Variants in SH3RF3 observed in about 807,000 individuals in gnomAD.
The protein encoded by SH3RF3 is E3 ubiquitin-protein ligase SH3RF3.
SH3RF3 carries 29 observed loss-of-function variants against 66.3 expected under a neutral mutation model. The observed-to-expected ratio is 0.44, with a 90% CI of 0.33 to 0.60. SH3RF3 has a LOEUF of 0.60. SH3RF3 is among the 20% of genes least tolerant of loss of function. SH3RF3 has a pLI of 0.04. For synonymous variants in SH3RF3, 583 were observed against 532.0 expected, an observed-to-expected ratio of 1.10 and a Z score of -1.32; for missense variants, 1,194 against 1,190.9, an observed-to-expected ratio of 1.00 and a Z score of -0.04.
rs1679440770 is a variant in SH3RF3, at chr2:109,503,173, A to G, written c.*1502A>G. On this transcript the variant is annotated 3_prime_UTR_variant, in exon 10 of 10. Coordinates refer to ENST00000309415, the MANE Select transcript of SH3RF3 (RefSeq NM_001099289.3). ...ATTCACACCTTAGGAACACATTTTT[A>G]TCACCTCAAAATTTTGATCCATCAC... The G allele has an allele frequency of 6.6e-6, 1 of 152,218 alleles. No homozygotes were observed. Among genetic ancestry groups the G allele is most frequent in the South Asian group, 2.1e-4 (1 of 4,830 alleles). 9.4% of individuals were successfully genotyped at this position (152,218 alleles called of 1,614,324 possible).
chr2:109,155,122 G>A (rs1677310120), intron 1 of SH3RF3, among the ~76,000 whole-genome samples: 1 of 152,202 alleles, frequency 6.6e-6, no homozygotes, highest in Admixed American at 6.5e-5. Context: ...AAGGCATTTT[G>A]CAAACTACAA....
intron 3 of SH3RF3, among the ~76,000 whole-genome samples, chr2:109,387,652 C>T (rs897168576): frequency 5.9e-5 from 9 of 152,248 alleles, no homozygotes; most frequent in Middle Eastern, 3.2e-3. Context: ...AGCCCCTCAG[C>T]ATATCCTCCT....
At chr2:109,169,718 A>G (rs757539695) in intron 1 of SH3RF3, among the ~76,000 whole-genome samples, 25 of 150,904 alleles carry the variant, frequency 1.7e-4, no homozygotes, top group Non-Finnish European at 3.4e-4. Context: ...ATATATCTAT[A>G]TATATAACCA....
intron 7 of SH3RF3, among the ~76,000 whole-genome samples, chr2:109,447,180 G>GA (rs1180598644): frequency 7.5e-6 from 1 of 133,598 alleles, no homozygotes; most frequent in Non-Finnish European, 1.6e-5. Context: ...AAAAGAAAAA[G>GA]AAAAAGAAAA....
intron 1 of SH3RF3, among the ~76,000 whole-genome samples, chr2:109,139,810 A>G (rs184650210): frequency 3.0e-4 from 45 of 152,294 alleles, no homozygotes; most frequent in Middle Eastern, 3.4e-3. Context: ...GAGCTTTTCA[A>G]TCACCTCTTT....
chr2:109,250,161 G>T (rs1196929099), intron 1 of SH3RF3, among the ~76,000 whole-genome samples: 1 of 150,120 alleles, frequency 6.7e-6, no homozygotes, highest in African/African-American at 2.5e-5. Flanking sequence ...TGTCTTTAAG[G>T]TTTTTCTCCA....
intron 7 of SH3RF3, among the ~76,000 whole-genome samples, chr2:109,444,811 T>A (rs1677662676): frequency 6.6e-6 from 1 of 151,896 alleles, no homozygotes; most frequent in South Asian, 2.1e-4. Flanking sequence ...AAAGGGAAAC[T>A]CACACATAAG....
chr2:109,417,490 C>A (rs1448576356), intron 4 of SH3RF3, among the ~76,000 whole-genome samples: 3 of 152,214 alleles, frequency 2.0e-5, no homozygotes, highest in East Asian at 3.9e-4. Flanking sequence ...CGGTGCTCAG[C>A]CTTTCCTGCT....
chr2:109,386,426 A>C (rs1372367326), intron 3 of SH3RF3, among the ~76,000 whole-genome samples: 1 of 152,172 alleles, frequency 6.6e-6, no homozygotes, highest in African/African-American at 2.4e-5. Context: ...TAAAAAAAAA[A>C]AAAAAAACAC....
chr2:109,453,984 C>T (rs1677963172), intron 8 of SH3RF3, among the ~76,000 whole-genome samples: 1 of 152,204 alleles, frequency 6.6e-6, no homozygotes, highest in Admixed American at 6.5e-5. Context: ...CTCAGCACTG[C>T]AAAATCTGCA....
At chr2:109,266,183 ATG>A (rs956523022) in intron 1 of SH3RF3, among the ~76,000 whole-genome samples, 3 of 145,892 alleles carry the variant, frequency 2.1e-5, no homozygotes, top group Non-Finnish European at 3.0e-5. Context: ...TTGTGCGTGC[ATG>A]TGTGTGTTGT....
chr2:109,220,259 G>T (rs560921788), intron 1 of SH3RF3, among the ~76,000 whole-genome samples: 1 of 152,252 alleles, frequency 6.6e-6, no homozygotes, highest in Admixed American at 6.5e-5. Context: ...ATCTAACATG[G>T]TCTAGAAAAT....
chr2:109,159,995 G>A (rs975988548), intron 1 of SH3RF3, among the ~76,000 whole-genome samples: 2 of 152,154 alleles, frequency 1.3e-5, no homozygotes, highest in African/African-American at 2.4e-5. Context: ...AATGTGATGC[G>A]CTTGAATCAT....
Position 109,196,382 on chromosome 2 carries a change from T to C in SH3RF3, c.573+66269T>C, listed in dbSNP as rs145372589. ...CTGGCTCGGTCCTACCACTGGTCCTTCTATCATTTAATCCCGTGGCGGGCA... is the reference window on the plus strand; with the variant it reads ...CTGGCTCGGTCCTACCACTGGTCCTCCTATCATTTAATCCCGTGGCGGGCA... On this transcript the variant is annotated intron_variant, in intron 1 of 9. Transcript: ENST00000309415. Among the ~76,000 whole-genome samples the C allele has an allele frequency of 3.6e-3, 548 of 152,294 alleles. 2 individuals are homozygous for C. The highest frequency in any genetic ancestry group is 5.6e-3 in the Non-Finnish European group (380 of 68,010).
In SH3RF3 at chr2:109,298,434, G is replaced by A. The variant is rs560587757; in HGVS notation, c.574-49240G>A. On this transcript the variant is annotated intron_variant, in intron 1 of 9. Coordinates refer to ENST00000309415, the MANE Select transcript of SH3RF3 (RefSeq NM_001099289.3). ...TAGTTCCCATGGTCTGTGGGTCATT[G>A]AAGGAGGGTCCCTCACGGCTCAGGG... is the stretch of plus-strand genomic sequence containing the variant. Among the ~76,000 whole-genome samples the A allele has an allele frequency of 2.0e-5, 3 of 152,252 alleles. No homozygotes were observed. The East Asian group carries it at 5.8e-4, about 30-fold the overall frequency.
chr2:109,305,120 GATA>G (rs1477879120), intron 1 of SH3RF3, among the ~76,000 whole-genome samples: 1 of 152,142 alleles, frequency 6.6e-6, no homozygotes, highest in African/African-American at 2.4e-5. Context: ...TGATTATTCT[GATA>G]ATATTAATCT....
At chr2:109,218,836 AAC>A (rs1298974808) in intron 1 of SH3RF3, among the ~76,000 whole-genome samples, 3 of 152,288 alleles carry the variant, frequency 2.0e-5, no homozygotes, top group East Asian at 1.9e-4. Context: ...TGATTAATCA[AAC>A]ACACACACAA....
At chr2:109,148,834 A>T (rs550160950) in intron 1 of SH3RF3, among the ~76,000 whole-genome samples, 7 of 112,204 alleles carry the variant, frequency 6.2e-5, no homozygotes, top group African/African-American at 2.5e-4. Flanking sequence ...GACAGCAATC[A>T]TGGCAGTGTT....
intron 1 of SH3RF3, among the ~76,000 whole-genome samples, chr2:109,320,368 G>T (rs1282396453): frequency 6.6e-6 from 1 of 152,162 alleles, no homozygotes; most frequent in Non-Finnish European, 1.5e-5. Flanking sequence ...CACCTGAGCA[G>T]CAGGTACAAC....
Sources: gnomAD v4.1 joint callset for allele counts (sites outside exome capture counted in the v4.1 genomes callset) on GRCh38, gnomAD v4.1.1 for gene constraint, MANE v1.5 for transcripts, NCBI Gene and HGNC (gene_info 2026-07-23, HGNC 2026-07-21) for gene names.